Variants in FAM120A observed in about 807,000 individuals in gnomAD.
The protein encoded by FAM120A is family with sequence similarity 120 member A, also known as constitutive coactivator of PPAR-gamma-like protein 1.
In FAM120A, 15 loss-of-function variants were observed where a neutral mutation model predicts 109.7. That is an observed-to-expected ratio of 0.14 (90% confidence interval 0.09 to 0.21). The LOEUF is 0.21. FAM120A is among the 10% of genes least tolerant of loss of function. The probability of loss-of-function intolerance (pLI) is 1.00; values close to 1 mark genes in which losing one functional copy is unlikely to be tolerated. For synonymous variants in FAM120A, 493 were observed against 572.8 expected (o/e 0.86, Z 1.99); for missense variants, 899 against 1,439.3 (o/e 0.62, Z 6.07).
At position 93,529,653 on chromosome 9, in the gene FAM120A, T is replaced by C. The variant is rs571829113; in HGVS notation, c.1734+73T>C. 1.1e-5 allele frequency: 15 copies of C among 1,348,656 alleles called. No homozygotes were observed. In the Admixed American group the frequency reaches 1.8e-4, roughly 17 times the overall value. 83.5% of individuals were successfully genotyped at this position (1,348,656 alleles called of 1,614,324 possible). ...CCATTCCTATGGGTGTTTTGTCCTTTTGTCCTTTTTTGAACCATTTTTCTG... is the reference window on the plus strand; with the variant it reads ...CCATTCCTATGGGTGTTTTGTCCTTCTGTCCTTTTTTGAACCATTTTTCTG... On this transcript the variant is annotated intron_variant, in intron 9 of 17. Coordinates refer to ENST00000277165, the MANE Select transcript of FAM120A (RefSeq NM_014612.5).
chr9:93,525,656 A>G (rs571684412), intron 7 of FAM120A, among the ~76,000 whole-genome samples: 67 of 151,424 alleles, frequency 4.4e-4, no homozygotes, highest in Non-Finnish European at 7.7e-4. Context: ...ATGCTCATCC[A>G]CCTCCTGAGC....
intron 3 of FAM120A, among the ~76,000 whole-genome samples, chr9:93,483,763 G>A (rs1471400728): frequency 6.6e-6 from 1 of 152,162 alleles, no homozygotes; most frequent in Admixed American, 6.5e-5. Context: ...AATGGTTAAT[G>A]TATACAGATT....
intron 1 of FAM120A, among the ~76,000 whole-genome samples, chr9:93,459,493 T>C (rs144100261): frequency 9.8e-5 from 15 of 152,354 alleles, no homozygotes; most frequent in African/African-American, 3.4e-4. Flanking sequence ...TCAGCAAATG[T>C]TTGAGCACCT....
At chr9:93,507,200 A>C (rs1315662444) in intron 5 of FAM120A, among the ~76,000 whole-genome samples, 1 of 152,144 alleles carries the variant, frequency 6.6e-6, no homozygotes, top group Non-Finnish European at 1.5e-5. Context: ...CCCTGGGGCA[A>C]GTTCTCCTCT....
chr9:93,456,814 C>G (rs541609019), intron 1 of FAM120A, among the ~76,000 whole-genome samples: 3 of 152,246 alleles, frequency 2.0e-5, no homozygotes, highest in African/African-American at 4.8e-5. Context: ...GCTATGTTTT[C>G]TAGTTAGGAT....
intron 10 of FAM120A, among the ~76,000 whole-genome samples, chr9:93,541,168 A>G (rs534301734): frequency 1.1e-4 from 17 of 152,060 alleles, no homozygotes; most frequent in Admixed American, 3.9e-4. Flanking sequence ...TGTGTGTCCT[A>G]TGTGTTTGCG....
At chr9:93,533,934 A>G (rs1861425719) in intron 10 of FAM120A, among the ~76,000 whole-genome samples, 1 of 152,218 alleles carries the variant, frequency 6.6e-6, no homozygotes, top group Admixed American at 6.5e-5. Context: ...TGATCACCTC[A>G]GGTTGAATAG....
intron 3 of FAM120A, among the ~76,000 whole-genome samples, chr9:93,486,734 A>G (rs1312456296): frequency 1.3e-5 from 2 of 152,118 alleles, no homozygotes; most frequent in Middle Eastern, 3.4e-3. Flanking sequence ...GGGTTTCACC[A>G]TGTTGGCCAG....
Position 93,550,532 on chromosome 9 carries a change from C to T in FAM120A, c.2160-45C>T, listed in dbSNP as rs149268849. 5.6e-4 allele frequency: 814 copies of T among 1,459,824 alleles called. 4 individuals carry two copies. In the African/African-American group the frequency reaches 9.3e-3, roughly 17 times the overall value. 90.4% of individuals were successfully genotyped at this position (1,459,824 alleles called of 1,614,324 possible). A position where few individuals can be genotyped will look rare whatever the true frequency, so the allele number is the denominator to read the frequency against. Reference sequence around the variant, plus strand: ...CCACTGGACTTGTCTATATGACGGGCGACCACTCAGTAATCACCAACCTTT... The same window carrying T: ...CCACTGGACTTGTCTATATGACGGGTGACCACTCAGTAATCACCAACCTTT... On this transcript the variant is annotated intron_variant, in intron 11 of 17. Transcript: ENST00000277165.
chr9:93,524,303 C>G (rs2131444129), intron 7 of FAM120A, among the ~76,000 whole-genome samples: 1 of 152,244 alleles, frequency 6.6e-6, no homozygotes, highest in Non-Finnish European at 1.5e-5. Flanking sequence ...AACTCTACAC[C>G]CCTGACAGTC....
intron 5 of FAM120A, among the ~76,000 whole-genome samples, chr9:93,501,197 A>G (rs1433441769): frequency 6.6e-6 from 1 of 152,154 alleles, no homozygotes; most frequent in Non-Finnish European, 1.5e-5. Flanking sequence ...GTAGTTTAGA[A>G]AGTCCTTAGA....
intron 7 of FAM120A, among the ~76,000 whole-genome samples, chr9:93,526,085 A>G (rs1263975157): frequency 6.6e-6 from 1 of 152,234 alleles, no homozygotes; most frequent in Admixed American, 6.5e-5. Context: ...CCATGCTGGC[A>G]TGTCCTATGG....
intron 10 of FAM120A, among the ~76,000 whole-genome samples, chr9:93,533,794 T>C (rs912131964): frequency 6.6e-6 from 1 of 152,174 alleles, no homozygotes; most frequent in African/African-American, 2.4e-5. Flanking sequence ...ATCCTGGGTG[T>C]TGCAGCTCCT....
rs778525488 is a variant in FAM120A, at chr9:93,561,267, G to T, written c.2948+17G>T. 5 of 1,591,936 alleles carry T rather than the reference G, an allele frequency of 3.1e-6. No individual in the cohort carries two copies. Among genetic ancestry groups the T allele is most frequent in the Non-Finnish European group, 4.3e-6 (5 of 1,172,712 alleles). ...AGCTAGAGGGTAAGTTCTGAGCCAC[G>T]AAAATGTCTTTTGTATAAGTAAAGA... is the stretch of plus-strand genomic sequence containing the variant. On this transcript the variant is annotated intron_variant, in intron 16 of 17. Coordinates refer to ENST00000277165, the MANE Select transcript of FAM120A (RefSeq NM_014612.5).
chr9:93,536,611 A>G (rs1358751736), intron 10 of FAM120A, among the ~76,000 whole-genome samples: 1 of 152,248 alleles, frequency 6.6e-6, no homozygotes, highest in African/African-American at 2.4e-5. Flanking sequence ...TTGGAAACCT[A>G]GTCAGTGATT....
At chr9:93,553,871 T>C (rs1463213338) in intron 12 of FAM120A, among the ~76,000 whole-genome samples, 1 of 152,056 alleles carries the variant, frequency 6.6e-6, no homozygotes, top group Non-Finnish European at 1.5e-5. Context: ...CCCATAAATA[T>C]TAAATGTTAT....
At chr9:93,520,725 A>G (rs1002947117) in intron 7 of FAM120A, among the ~76,000 whole-genome samples, 1 of 152,130 alleles carries the variant, frequency 6.6e-6, no homozygotes, top group Non-Finnish European at 1.5e-5. Context: ...GTGTGCCCCC[A>G]TGCTGTCATC....
chr9:93,519,577 G>A (rs1005593781), intron 7 of FAM120A, among the ~76,000 whole-genome samples: 5 of 152,036 alleles, frequency 3.3e-5, no homozygotes, highest in African/African-American at 1.2e-4. Flanking sequence ...GTAAAATAGC[G>A]GAGGCGATTG....
At chr9:93,556,645 G>T in intron 13 of FAM120A, 54 bp downstream of exon 13, 1 of 1,501,796 alleles carries the variant, frequency 6.7e-7, no homozygotes, top group South Asian at 1.1e-5. Flanking sequence ...AAAGCTCACT[G>T]GTTAAATCTG....
Sources: allele counts gnomAD v4.1 joint callset (sites outside exome capture counted in the v4.1 genomes callset), GRCh38; gene constraint gnomAD v4.1.1; transcripts MANE v1.5; gene names NCBI Gene and HGNC (gene_info 2026-07-23, HGNC 2026-07-21).